The following ABTB3 variants were observed in gnomAD, a reference collection of about 807,000 sequenced individuals.
ABTB3 encodes ankyrin repeat and BTB domain containing 3.
the ABTB3 span, among the ~76,000 whole-genome samples, chr12:107,327,526 A>C: frequency 6.6e-6 from 1 of 152,338 alleles, no homozygotes; most frequent in East Asian, 1.9e-4. Context: ...TACTTAACTC[A>C]GCCAGGAACA....
chr12:107,423,610 G>A, the ABTB3 span, among the ~76,000 whole-genome samples: 1 of 152,090 alleles, frequency 6.6e-6, no homozygotes, highest in Non-Finnish European at 1.5e-5. Flanking sequence ...AAAAAGCAGG[G>A]GACGTTGCAC....
the ABTB3 span, among the ~76,000 whole-genome samples, chr12:107,478,660 C>T: frequency 8.7e-3 from 1,330 of 152,220 alleles, 30 homozygotes; most frequent in African/African-American, 0.03. Context: ...AGGTAATAGT[C>T]CAGCCTATCC....
the ABTB3 span, among the ~76,000 whole-genome samples, chr12:107,554,224 A>T: frequency 6.6e-6 from 1 of 152,206 alleles, no homozygotes; most frequent in African/African-American, 2.4e-5. Flanking sequence ...GGAACATGTT[A>T]TTTGGAACCT....
At chr12:107,500,429 G>C in the ABTB3 span, among the ~76,000 whole-genome samples, 1 of 152,282 alleles carries the variant, frequency 6.6e-6, no homozygotes, top group Non-Finnish European at 1.5e-5. Flanking sequence ...GCTGCCCTTT[G>C]ATTCTCTCCT....
At chr12:107,505,303 G>T in the ABTB3 span, among the ~76,000 whole-genome samples, 1 of 152,072 alleles carries the variant, frequency 6.6e-6, no homozygotes, top group African/African-American at 2.4e-5. Context: ...GAGACGTAAT[G>T]AATCAGGACC....
the ABTB3 span, among the ~76,000 whole-genome samples, chr12:107,439,681 T>G: frequency 6.6e-6 from 1 of 152,228 alleles, no homozygotes; most frequent in Admixed American, 6.5e-5. Context: ...ACGGGCTTTT[T>G]CTTTTAGTGA....
the ABTB3 span, among the ~76,000 whole-genome samples, chr12:107,508,486 C>T: frequency 1.8e-5 from 2 of 109,062 alleles, no homozygotes; most frequent in African/African-American, 6.3e-5. Context: ...GAGTCTCGCC[C>T]TGTCACCCAG....
At chr12:107,612,951 A>C in the ABTB3 span, 3 of 1,304,770 alleles carry the variant, frequency 2.3e-6, no homozygotes, top group Non-Finnish European at 2.1e-6. Context: ...TTTTTCTCCC[A>C]AGAGCTGCCA....
the ABTB3 span, among the ~76,000 whole-genome samples, chr12:107,621,000 G>A: frequency 5.3e-5 from 8 of 152,156 alleles, no homozygotes; most frequent in Non-Finnish European, 1.0e-4. Flanking sequence ...CTGAACCAAA[G>A]GGCAGTGTGG....
the ABTB3 span, among the ~76,000 whole-genome samples, chr12:107,398,818 A>T: frequency 0.015 from 2,289 of 152,292 alleles, 61 homozygotes; most frequent in African/African-American, 0.049. Flanking sequence ...CCATTTACAA[A>T]ACACGGTTTG....
At chr12:107,448,104 A>G in the ABTB3 span, among the ~76,000 whole-genome samples, 1 of 152,210 alleles carries the variant, frequency 6.6e-6, no homozygotes, top group Non-Finnish European at 1.5e-5. Flanking sequence ...GATTAGAAGA[A>G]TGAGGCCCAG....
chr12:107,318,909 C>G, the ABTB3 span: 2 of 1,553,166 alleles, frequency 1.3e-6, no homozygotes, highest in Non-Finnish European at 1.7e-6. Context: ...CCCTTTGGCT[C>G]CCAGGCGGCT....
At chr12:107,330,350 T>C in the ABTB3 span, among the ~76,000 whole-genome samples, 1 of 152,162 alleles carries the variant, frequency 6.6e-6, no homozygotes, top group Non-Finnish European at 1.5e-5. Context: ...GAAGGGTGAA[T>C]GTGGGAAGGC....
the ABTB3 span, among the ~76,000 whole-genome samples, chr12:107,404,179 A>AAAAAAG: frequency 7.0e-6 from 1 of 142,538 alleles, no homozygotes; most frequent in African/African-American, 2.8e-5. Flanking sequence ...AAAAAAAAAA[A>AAAAAAG]AAAAAAAAGG....
the ABTB3 span, among the ~76,000 whole-genome samples, chr12:107,492,859 C>T: frequency 6.6e-6 from 1 of 152,098 alleles, no homozygotes; most frequent in Non-Finnish European, 1.5e-5. Context: ...CTTGAGCAGC[C>T]ACTTGCCTTC....
the ABTB3 span, among the ~76,000 whole-genome samples, chr12:107,332,073 G>T: frequency 6.6e-6 from 1 of 152,244 alleles, no homozygotes; most frequent in African/African-American, 2.4e-5. Flanking sequence ...GGGAGCGTGT[G>T]CTGGGGTAGG....
chr12:107,590,281 T>C, the ABTB3 span, among the ~76,000 whole-genome samples: 420 of 152,304 alleles, frequency 2.8e-3, 9 homozygotes, highest in East Asian at 0.042. Flanking sequence ...ACAACTCAGG[T>C]GTAGAACTCA....
chr12:107,581,320 G>T, the ABTB3 span: 1 of 1,316,210 alleles, frequency 7.6e-7, no homozygotes, highest in Non-Finnish European at 9.6e-7. Context: ...CGCGGGGGCG[G>T]GCGGGGGGCG....
chr12:107,390,504 C>A, the ABTB3 span, among the ~76,000 whole-genome samples: 1 of 152,104 alleles, frequency 6.6e-6, no homozygotes. Context: ...ATTAAACAAG[C>A]CAAAAAATAC....
Sources: gnomAD v4.1 joint callset for allele counts (sites outside exome capture counted in the v4.1 genomes callset) on GRCh38, gnomAD v4.1.1 for gene constraint, MANE v1.5 for transcripts, NCBI Gene and HGNC (gene_info 2026-07-23, HGNC 2026-07-21) for gene names.